GORAB: variants seen among roughly 807,000 people sequenced by gnomAD.
The protein encoded by GORAB is golgin, RAB6 interacting.
Under a neutral mutation model 29.9 loss-of-function variants are expected in GORAB, and 17 were observed. The observed-to-expected ratio is 0.57, with a 90% CI of 0.39 to 0.85. GORAB has a LOEUF of 0.85. GORAB is among the 40% of genes least tolerant of loss of function. The pLI, the probability that GORAB is intolerant of heterozygous loss-of-function variation, is 0.00. For synonymous variants in GORAB, 183 were observed against 157.2 expected, an observed-to-expected ratio of 1.16 and a Z score of -1.23; for missense variants, 442 against 437.8, an observed-to-expected ratio of 1.01 and a Z score of -0.09.
intron 4 of GORAB, among the ~76,000 whole-genome samples, chr1:170,550,348 G>T (rs993569350): frequency 9.2e-5 from 14 of 152,230 alleles, no homozygotes; most frequent in African/African-American, 3.4e-4. Flanking sequence ...GAGTGAATTT[G>T]ATACAGAGTG....
chr1:170,535,251 G>C (rs1314128094), intron 1 of GORAB, among the ~76,000 whole-genome samples: 1 of 152,180 alleles, frequency 6.6e-6, no homozygotes, highest in African/African-American at 2.4e-5. Flanking sequence ...TATCCTTAAA[G>C]AGTAGTTACT....
At chr1:170,532,505 G>A (rs1018443907) in intron 1 of GORAB, 20 of 553,206 alleles carry the variant, frequency 3.6e-5, no homozygotes, top group African/African-American at 3.6e-4. Context: ...TAGAAAAAAC[G>A]GTCCAGGAAT....
chr1:170,548,859 G>A, intron 4 of GORAB, among the ~76,000 whole-genome samples: 1 of 152,022 alleles, frequency 6.6e-6, no homozygotes, highest in East Asian at 1.9e-4. Context: ...TTATGAAAGG[G>A]TTCTTTGGAC....
chr1:170,553,820 A>C lies in GORAB; in HGVS notation c.*1358A>C, dbSNP rs1408216827. On this transcript the variant is annotated 3_prime_UTR_variant, in exon 5 of 5. Coordinates refer to ENST00000367763, the MANE Select transcript of GORAB (RefSeq NM_152281.3). ...AACACACTTCTTTTTCTAAGGAATA[A>C]ACAAGTCTGATGTACTTATAGTGTC... is the stretch of plus-strand genomic sequence containing the variant. The C allele has an allele frequency of 2.2e-6, 1 of 453,056 alleles. No individual in the cohort carries two copies. 28.1% of individuals were successfully genotyped at this position (453,056 alleles called of 1,614,324 possible).
At chr1:170,550,852 C>T (rs1055545932) in intron 4 of GORAB, among the ~76,000 whole-genome samples, 2 of 152,032 alleles carry the variant, frequency 1.3e-5, no homozygotes, top group African/African-American at 4.8e-5. Flanking sequence ...GAGGAAGGAC[C>T]CTCTTGTTGC....
chr1:170,545,496 A>G (rs1649701971), intron 4 of GORAB: 14 of 984,048 alleles, frequency 1.4e-5, no homozygotes, highest in Non-Finnish European at 1.6e-5. Context: ...AAATGAACTA[A>G]CACATGTAAT....
intron 4 of GORAB, among the ~76,000 whole-genome samples, chr1:170,549,236 A>G (rs990374193): frequency 8.5e-5 from 13 of 152,120 alleles, no homozygotes; most frequent in African/African-American, 3.1e-4. Flanking sequence ...TGCTCTTATT[A>G]TTTTGTTCCA....
intron 4 of GORAB, among the ~76,000 whole-genome samples, chr1:170,549,154 C>T (rs1649965344): frequency 6.6e-6 from 1 of 152,114 alleles, no homozygotes; most frequent in African/African-American, 2.4e-5. Flanking sequence ...TTCATTCCAT[C>T]CCCCTTTAAA....
chr1:170,552,077 C>T lies in GORAB; in HGVS notation c.725C>T (p.Thr242Ile), dbSNP rs753927041. 4 of 1,613,994 alleles carry T rather than the reference C, an allele frequency of 2.5e-6. No individual in the cohort carries two copies. The South Asian group carries it at 4.4e-5, about 18-fold the overall frequency. Residue 242 changes from threonine (T) to isoleucine (I), a missense_variant, in exon 5 of 5, where the codon ACT becomes ATT. Coordinates refer to ENST00000367763, the MANE Select transcript of GORAB (RefSeq NM_152281.3). ...GCAAAGCTAGATATACAGCGCAAGA[C>T]TGAGATAAAAGAGCAACTCACTGAA... ...IAAKLDIQRK[T>I]EIKEQLTEHL... is the part of the protein sequence containing the mutation.
chr1:170,540,167 T>A (rs559858715), intron 2 of GORAB, among the ~76,000 whole-genome samples: 2 of 151,926 alleles, frequency 1.3e-5, no homozygotes, highest in Admixed American at 1.3e-4. Context: ...AAGGAGAGAG[T>A]GTAGGAAATT....
Position 170,553,286 on chromosome 1 carries a change from A to G in GORAB, c.*824A>G, listed in dbSNP as rs1650242209. The G allele has an allele frequency of 2.2e-6, 1 of 451,028 alleles. No individual in the cohort carries two copies. Among genetic ancestry groups the G allele is most frequent in the Admixed American group, 2.4e-5 (1 of 42,150 alleles). The allele number at this position is 451,028 out of a possible 1,614,324, so 27.9% of individuals were successfully genotyped here. On this transcript the variant is annotated 3_prime_UTR_variant, in exon 5 of 5. Coordinates refer to ENST00000367763, the MANE Select transcript of GORAB (RefSeq NM_152281.3). ...TTTCTTTCTAAAGTTATCTATAAAT[A>G]TGTTTTTGATATGTTGGACATGAAT...
chr1:170,551,117 C>G (rs1339268134), intron 4 of GORAB, among the ~76,000 whole-genome samples: 2 of 152,028 alleles, frequency 1.3e-5, no homozygotes, highest in African/African-American at 4.8e-5. Context: ...ACAACTTAAC[C>G]CAAGGATTCT....
intron 4 of GORAB, among the ~76,000 whole-genome samples, chr1:170,551,286 A>G (rs542067658): frequency 3.1e-4 from 47 of 152,312 alleles, no homozygotes; most frequent in South Asian, 6.2e-4. Flanking sequence ...ACAAATAATT[A>G]TATGGCCCAA....
chr1:170,539,353 C>G lies in GORAB; in HGVS notation c.205C>G (p.Pro69Ala), dbSNP rs1436193773. ...ACTTCCAGAGCAGCTGCTTTCAGCA[C>G]CAAAACAGAGAGTTAACGTTCAAAA... ...SLLPEQLLSA[P>A]KQRVNVQKPP... Residue 69 changes from proline to alanine, a missense_variant, in exon 2 of 5, where the codon CCA becomes GCA. Physicochemically the swap from Pro to Ala is conservative, Grantham distance 27. Coordinates refer to ENST00000367763, the MANE Select transcript of GORAB (RefSeq NM_152281.3). 2 of 1,614,148 alleles carry G rather than the reference C, an allele frequency of 1.2e-6. No homozygotes were observed. Among genetic ancestry groups the G allele is most frequent in the South Asian group, 2.2e-5 (2 of 91,086 alleles).
Position 170,542,532 on chromosome 1 carries a change from G to A in GORAB, c.461G>A (p.Arg154Gln), listed in dbSNP as rs749838967. ...SRWEVLQQEQRLMEEKNKRKK... is the reference protein window; with the variant it reads ...SRWEVLQQEQQLMEEKNKRKK... ...TGGGAAGTCCTCCAACAAGAACAACGGCTAATGGAAGAGAAAAATAAACGT... is the reference window on the plus strand; with the variant it reads ...TGGGAAGTCCTCCAACAAGAACAACAGCTAATGGAAGAGAAAAATAAACGT... The change falls in exon 3 of 5, where the codon CGG becomes CAG. Residue 154 changes from arginine to glutamine, a missense_variant. Coordinates refer to ENST00000367763, the MANE Select transcript of GORAB (RefSeq NM_152281.3). 7.2e-5 allele frequency: 116 copies of A among 1,613,542 alleles called. No individual in the cohort carries two copies. The highest frequency in any genetic ancestry group is 8.3e-5 in the Admixed American group (5 of 59,992).
intron 2 of GORAB, among the ~76,000 whole-genome samples, chr1:170,540,844 A>G (rs1205566027): frequency 2.0e-5 from 3 of 152,236 alleles, no homozygotes; most frequent in Non-Finnish European, 4.4e-5. Flanking sequence ...ATGTTCAGAG[A>G]TGATACCTCA....
chr1:170,543,201 C>G (rs997611987), intron 3 of GORAB, among the ~76,000 whole-genome samples: 1 of 152,180 alleles, frequency 6.6e-6, no homozygotes, highest in Non-Finnish European at 1.5e-5. Flanking sequence ...ATTGTACCAG[C>G]CGCACACAAC....
intron 4 of GORAB, among the ~76,000 whole-genome samples, chr1:170,546,642 T>C (rs536963263): frequency 6.6e-6 from 1 of 152,102 alleles, no homozygotes; most frequent in Non-Finnish European, 1.5e-5. Context: ...CTAATATTGA[T>C]GTAGTTGAAT....
chr1:170,540,610 T>C (rs1324197433), intron 2 of GORAB, among the ~76,000 whole-genome samples: 3 of 152,220 alleles, frequency 2.0e-5, no homozygotes, highest in Non-Finnish European at 2.9e-5. Context: ...AACAAGTGCA[T>C]ACATTAAAGT....
Sources: allele counts gnomAD v4.1 joint callset (sites outside exome capture counted in the v4.1 genomes callset), GRCh38; gene constraint gnomAD v4.1.1; transcripts MANE v1.5; gene names NCBI Gene and HGNC (gene_info 2026-07-23, HGNC 2026-07-21).